The following ENPP3 variants were observed in gnomAD, a reference collection of about 807,000 sequenced individuals.
The protein encoded by ENPP3 is ectonucleotide pyrophosphatase/phosphodiesterase family member 3.
A neutral mutation model predicts 117.8 loss-of-function variants in ENPP3; 104 were observed. That is an observed-to-expected ratio of 0.88 (90% CI 0.75 to 1.04). ENPP3 has a LOEUF of 1.04. ENPP3 is among the 50% of genes least tolerant of loss of function. The probability of loss-of-function intolerance (pLI) is 0.00; values close to 1 mark genes in which losing one functional copy is unlikely to be tolerated. For synonymous variants in ENPP3, 380 were observed against 349.9 expected, an observed-to-expected ratio of 1.09 and a Z score of -0.96; for missense variants, 1,026 against 1,051.9, an observed-to-expected ratio of 0.98 and a Z score of 0.34.
intron 6 of ENPP3, among the ~76,000 whole-genome samples, chr6:131,660,281 G>C (rs766772863): frequency 2.0e-5 from 3 of 152,124 alleles, no homozygotes; most frequent in Non-Finnish European, 4.4e-5. Context: ...GGGAGCCCAG[G>C]GCCCCATCTC....
rs1778836521 is a variant in ENPP3 at position 131,675,094 on chromosome 6, A to G, written c.777A>G (p.Ala259=). ...TTTTCTTACAGATGTGGCTGACAGC[A>G]ATGTATCAAGGTTTAAAAGCCGCTA... ...WWHGQPMWLT[A]MYQGLKAATY... is the part of the protein sequence containing the mutation. Residue 259 remains alanine, a synonymous_variant, in exon 9 of 25, where the codon GCA becomes GCG. Coordinates refer to ENST00000357639, the MANE Select transcript of ENPP3 (RefSeq NM_005021.5). The G allele has an allele frequency of 1.9e-6, 3 of 1,612,312 alleles. No individual in the cohort carries two copies. The African/African-American group carries it at 4.0e-5, about 22-fold the overall frequency.
intron 15 of ENPP3, among the ~76,000 whole-genome samples, chr6:131,697,741 C>T (rs767582375): frequency 1.3e-5 from 2 of 152,076 alleles, no homozygotes; most frequent in Admixed American, 6.6e-5. Context: ...TGACAGGAGG[C>T]GGAGCTCAGG....
At position 131,656,584 on chromosome 6, in the gene ENPP3, G is replaced by A. The variant is rs546464756; in HGVS notation, c.465-1739G>A. Among the ~76,000 whole-genome samples the A allele has an allele frequency of 3.9e-5, 6 of 152,120 alleles. No individual in the cohort carries two copies. The South Asian group carries it at 1.0e-3, about 26-fold the overall frequency. On this transcript the variant is annotated intron_variant, in intron 5 of 24. Transcript: ENST00000357639. ...AGATTGAGACCATCCTGGCTAACAC[G>A]GTGAAACCCCGTCTCTACTAAAAAT...
chr6:131,656,837 T>C (rs979056750), intron 5 of ENPP3, among the ~76,000 whole-genome samples: 1 of 151,788 alleles, frequency 6.6e-6, no homozygotes, highest in Non-Finnish European at 1.5e-5. Flanking sequence ...TAGGAAATAA[T>C]TAAGGGTGTT....
intron 18 of ENPP3, among the ~76,000 whole-genome samples, 199 bp from the exon 19 acceptor site, chr6:131,723,841 A>T (rs1485851006): frequency 6.6e-6 from 1 of 151,696 alleles, no homozygotes; most frequent in African/African-American, 2.4e-5. Flanking sequence ...ACACACACAC[A>T]CACACACACA....
chr6:131,725,960 G>A (rs1780145403), intron 19 of ENPP3, 86 bp from the exon 20 acceptor site: 1 of 790,900 alleles, frequency 1.3e-6, no homozygotes. Flanking sequence ...TAAGAGAGTG[G>A]TAGTTATTAT....
chr6:131,688,194 G>T (rs998720277), intron 14 of ENPP3, among the ~76,000 whole-genome samples: 3 of 152,140 alleles, frequency 2.0e-5, no homozygotes, highest in Non-Finnish European at 4.4e-5. Context: ...ACTCATAGAA[G>T]ATGGCAAACT....
At position 131,671,307 on chromosome 6, in the gene ENPP3, A is replaced by G; in HGVS notation, c.622A>G (p.Asn208Asp). ...RAMYPTKTFP[N>D]HYTIVTGLYP... ...TATGTATCCTACCAAAACCTTCCCA[A>G]ATCATTACACCATTGTCACGGTAAG... The change falls in exon 7 of 25, where the codon AAT (asparagine) becomes GAT (aspartate). Residue 208 changes from asparagine (N) to aspartate (D), a missense_variant. Physicochemically the swap from Asn to Asp is conservative, Grantham distance 23 (BLOSUM62 1). Coordinates refer to ENST00000357639, the MANE Select transcript of ENPP3 (RefSeq NM_005021.5). 1 of 1,602,334 alleles carries G rather than the reference A, an allele frequency of 6.2e-7. No homozygotes were observed. Among genetic ancestry groups the G allele is most frequent in the South Asian group, 1.1e-5 (1 of 90,820 alleles).
intron 5 of ENPP3, among the ~76,000 whole-genome samples, chr6:131,654,746 T>G (rs1238644912): frequency 6.6e-6 from 1 of 152,150 alleles, no homozygotes; most frequent in Non-Finnish European, 1.5e-5. Flanking sequence ...TCTGGCCCAG[T>G]GGAGGCATTT....
intron 5 of ENPP3, among the ~76,000 whole-genome samples, chr6:131,657,217 A>G (rs1479255840): frequency 1.3e-5 from 2 of 152,170 alleles, no homozygotes; most frequent in African/African-American, 4.8e-5. Flanking sequence ...GAACTATGGT[A>G]TGAAATGGTC....
At chr6:131,646,311 G>A (rs1778152331) in intron 2 of ENPP3, among the ~76,000 whole-genome samples, 1 of 131,154 alleles carries the variant, frequency 7.6e-6, no homozygotes, top group African/African-American at 3.7e-5. Context: ...TGTGTGTGTT[G>A]TTATTTTAAC....
chr6:131,730,902 G>A (rs1328188105), intron 20 of ENPP3, among the ~76,000 whole-genome samples: 1 of 144,324 alleles, frequency 6.9e-6, no homozygotes, highest in Non-Finnish European at 1.5e-5. Flanking sequence ...GCCAGATAGT[G>A]AGACTCCATC....
At chr6:131,735,336 T>C (rs1340131639) in intron 21 of ENPP3, among the ~76,000 whole-genome samples, 3 of 152,190 alleles carry the variant, frequency 2.0e-5, no homozygotes, top group Non-Finnish European at 4.4e-5. Flanking sequence ...CTTTCAGGGC[T>C]TAGTTAAAAA....
rs371737976 is a variant in ENPP3, at chr6:131,639,265, A to ATATATTT, written c.78+1804_78+1805insATATTTT. Among the ~76,000 whole-genome samples the ATATATTT allele has an allele frequency of 3.2e-3, 344 of 107,160 alleles. 5 individuals are homozygous for ATATATTT. The highest frequency in any genetic ancestry group is 0.019 in the East Asian group (65 of 3,402). The allele number at this position is 107,160 out of a possible 152,430, so 70.3% of individuals were successfully genotyped here. A position where few individuals can be genotyped will look rare whatever the true frequency, so the allele number is the denominator to read the frequency against. On this transcript the variant is annotated intron_variant, in intron 1 of 24. Coordinates refer to ENST00000357639, the MANE Select transcript of ENPP3 (RefSeq NM_005021.5). Reference sequence around the variant, plus strand: ...TATGCTAATATATATATATATATATATTTTTTTTTTTTTCTCTCTCTCTTT... The same window carrying ATATATTT: ...TATGCTAATATATATATATATATATATATATTTTTTTTTTTTTTTTCTCTCTCTCTTT...
chr6:131,694,841 CAAAA>C, intron 15 of ENPP3, among the ~76,000 whole-genome samples: 1 of 97,534 alleles, frequency 1.0e-5, no homozygotes, highest in African/African-American at 3.2e-5. Flanking sequence ...TTGATTCCAT[CAAAA>C]AAAAAAAAAA....
chr6:131,737,588 T>C (rs1780426581), intron 22 of ENPP3, among the ~76,000 whole-genome samples, 156 bp downstream of exon 22: 1 of 152,190 alleles, frequency 6.6e-6, no homozygotes, highest in Non-Finnish European at 1.5e-5. Flanking sequence ...ATCCCTCACA[T>C]AGTTTCTTTT....
At chr6:131,671,905 A>AT (rs1778751014) in intron 7 of ENPP3, among the ~76,000 whole-genome samples, 1 of 152,260 alleles carries the variant, frequency 6.6e-6, no homozygotes, top group Non-Finnish European at 1.5e-5. Flanking sequence ...AGATAGATTT[A>AT]TAACACATTT....
chr6:131,654,863 G>A (rs1015425959), intron 5 of ENPP3, among the ~76,000 whole-genome samples: 1 of 152,134 alleles, frequency 6.6e-6, no homozygotes, highest in African/African-American at 2.4e-5. Context: ...TTTGCACCTT[G>A]TGGGTGGAAG....
At chr6:131,718,776 T>A in intron 16 of ENPP3, 38 bp downstream of exon 16, 1 of 1,285,474 alleles carries the variant, frequency 7.8e-7, no homozygotes, top group Non-Finnish European at 1.1e-6. Flanking sequence ...TTATTTTAAG[T>A]TCAGGGGTAC....
Sources: allele counts gnomAD v4.1 joint callset (sites outside exome capture counted in the v4.1 genomes callset), GRCh38; gene constraint gnomAD v4.1.1; transcripts MANE v1.5; gene names NCBI Gene and HGNC (gene_info 2026-07-23, HGNC 2026-07-21).